Variants in MACF1 observed in about 807,000 individuals in gnomAD.
The protein encoded by MACF1 is microtubule actin crosslinking factor 1, also known as microtubule-actin cross-linking factor 1.
A neutral mutation model predicts 854.8 loss-of-function variants in MACF1; 193 were observed. The observed-to-expected ratio is 0.23, with a 90% CI of 0.20 to 0.25. The LOEUF is 0.25. MACF1 is among the 10% of genes least tolerant of loss of function. The probability of loss-of-function intolerance (pLI) is 1.00; values close to 1 mark genes in which losing one functional copy is unlikely to be tolerated. For missense variants in MACF1, 7,722 were observed against 8,929.1 expected, an observed-to-expected ratio of 0.86 and a Z score of 5.45; for synonymous variants, 3,185 against 3,226.7, an observed-to-expected ratio of 0.99 and a Z score of 0.44.
intron 89 of MACF1, chr1:39,457,118 C>G (rs1644456026): frequency 6.6e-6 from 1 of 152,260 alleles, no homozygotes; most frequent in Non-Finnish European, 1.5e-5. Flanking sequence ...TATAAAGCTT[C>G]TGCATCTTTT....
In MACF1 at chr1:39,283,249, G is replaced by A. The variant is rs2275188; in HGVS notation, c.756G>A (p.Gln252=). The part of the protein sequence containing the change: ...QIQSNRENLE[Q]AFEVAERLGV... The stretch of plus-strand genomic sequence containing the variant: ...AAAGTAACCGAGAGAATCTGGAACA[G>A]GCTTTTGAAGTGGCAGAAAGACTGG... The change falls in exon 8 of 101, where the codon CAG becomes CAA. Residue 252 remains glutamine, a synonymous_variant. Coordinates refer to ENST00000564288, the MANE Select transcript of MACF1 (RefSeq NM_001394062.1). The surrounding 1 kb of genome is among the most constrained non-coding windows in gnomAD (Gnocchi z 4.5). 1,106,930 of 1,613,168 alleles carry A rather than the reference G, an allele frequency of 0.69. 385,814 individuals carry two copies. The highest frequency in any genetic ancestry group is 0.78 in the South Asian group (71,459 of 91,044).
At chr1:39,248,171 T>G (rs1645002891) in intron 2 of MACF1, among the ~76,000 whole-genome samples, 1 of 152,192 alleles carries the variant, frequency 6.6e-6, no homozygotes, top group African/African-American at 2.4e-5. Context: ...CTATGCCAAG[T>G]CTTATGTGGT....
intron 47 of MACF1, among the ~76,000 whole-genome samples, chr1:39,360,038 T>A (rs1557608997): frequency 3.3e-5 from 2 of 61,020 alleles, no homozygotes; most frequent in African/African-American, 6.6e-5. Flanking sequence ...TATATATATA[T>A]ATATATATAT....
chr1:39,155,117 G>A (rs932554527), intron 2 of MACF1, among the ~76,000 whole-genome samples: 1 of 152,172 alleles, frequency 6.6e-6, no homozygotes, highest in African/African-American at 2.4e-5. Context: ...TGACTCTGAG[G>A]AAAGATCCCT....
intron 2 of MACF1, among the ~76,000 whole-genome samples, chr1:39,242,744 A>G (rs71518423): frequency 0.61 from 89,553 of 147,688 alleles, 28,401 homozygotes; most frequent in South Asian, 0.77. Flanking sequence ...TCCAAAAAAA[A>G]AAAAAAAAAA....
intron 91 of MACF1, among the ~76,000 whole-genome samples, chr1:39,459,994 C>T (rs1471136760): frequency 2.6e-5 from 4 of 152,122 alleles, no homozygotes; most frequent in Non-Finnish European, 5.9e-5. Context: ...ATATCATTAA[C>T]GTAGACTTAA....
chr1:39,120,867 A>G (rs1235839558), intron 2 of MACF1: 5 of 152,230 alleles, frequency 3.3e-5, no homozygotes, highest in South Asian at 4.1e-4. Context: ...TTTAAAATGT[A>G]TAGTTAAGTT....
At chr1:39,426,700 T>C (rs747135023) in intron 61 of MACF1, among the ~76,000 whole-genome samples, 18 of 152,166 alleles carry the variant, frequency 1.2e-4, no homozygotes, top group Admixed American at 9.2e-4. Context: ...CAAGCTTAGT[T>C]ATGGATCTTA....
At chr1:39,305,013 C>T (rs1468211346) in intron 23 of MACF1, 1 of 150,748 alleles carries the variant, frequency 6.6e-6, no homozygotes, top group Admixed American at 6.6e-5. Flanking sequence ...GTAATTCCAG[C>T]ACTTTGAGAG....
chr1:39,376,239 A>G (rs1649711148), intron 52 of MACF1, among the ~76,000 whole-genome samples: 1 of 152,206 alleles, frequency 6.6e-6, no homozygotes, highest in South Asian at 2.1e-4. Flanking sequence ...CTAAGTACTT[A>G]GAAATTTATG....
At chr1:39,270,995 T>C (rs2148359219) in intron 6 of MACF1, among the ~76,000 whole-genome samples, 1 of 152,292 alleles carries the variant, frequency 6.6e-6, no homozygotes, top group East Asian at 1.9e-4. Flanking sequence ...AAATATCTAT[T>C]TTATGGATGG....
In MACF1 at chr1:39,430,721, T is replaced by C; in HGVS notation, c.17150T>C (p.Met5717Thr). The C allele has an allele frequency of 6.2e-7, 1 of 1,612,126 alleles. No homozygotes were observed. Among genetic ancestry groups the C allele is most frequent in the Non-Finnish European group, 8.5e-7 (1 of 1,179,946 alleles). The change falls in exon 66 of 101, where the codon ATG becomes ACG. Residue 5717 changes from methionine (M) to threonine (T), a missense_variant. Coordinates refer to ENST00000564288, the MANE Select transcript of MACF1 (RefSeq NM_001394062.1). The stretch of plus-strand genomic sequence containing the variant: ...CCTTAGGAATTAAAGAAGGAGGTCA[T>C]GGAGCACAGGCTGGTGTTGGACACA... ...QRQKELKKEV[M>T]EHRLVLDTVN...
intron 2 of MACF1, among the ~76,000 whole-genome samples, chr1:39,155,497 C>G (rs542437476): frequency 6.6e-6 from 1 of 152,244 alleles, no homozygotes; most frequent in East Asian, 1.9e-4. Flanking sequence ...CTTTTCAGCA[C>G]TTAAATTCAG....
At chr1:39,234,718 T>G in intron 2 of MACF1, among the ~76,000 whole-genome samples, 2 of 122,016 alleles carry the variant, frequency 1.6e-5, no homozygotes, top group Non-Finnish European at 3.5e-5. Context: ...ATGGGGCGGC[T>G]GCCGGGCGGA....
chr1:39,272,014 T>C (rs927447192), intron 6 of MACF1, among the ~76,000 whole-genome samples: 3 of 152,194 alleles, frequency 2.0e-5, no homozygotes, highest in African/African-American at 4.8e-5. Context: ...GTAGCCAACC[T>C]CTGCATCTAT....
In MACF1 at chr1:39,439,421, A is replaced by G; in HGVS notation, c.18368A>G (p.Asp6123Gly). 1 of 1,614,204 alleles carries G rather than the reference A, an allele frequency of 6.2e-7. No homozygotes were observed. Among genetic ancestry groups the G allele is most frequent in the Non-Finnish European group, 8.5e-7 (1 of 1,180,024 alleles). Residue 6123 changes from aspartate to glycine, a missense_variant, in exon 72 of 101, where the codon GAC becomes GGC. By Grantham distance (94) the Asp-to-Gly change is moderately conservative. Transcript: ENST00000564288. ...DMAALLTTIKDTQDIVHDLES... is the reference protein window; with the variant it reads ...DMAALLTTIKGTQDIVHDLES... ...GCAGCTCTCCTGACCACCATCAAAG[A>G]CACCCAGGATATTGTCCATGACTTG...
At position 39,413,094 on chromosome 1, in the gene MACF1, G is replaced by A. The variant is rs372153671; in HGVS notation, c.15817-9280G>A. 1.4e-5 allele frequency: 23 copies of A among 1,605,148 alleles called. No homozygotes were observed. In the African/African-American group the frequency reaches 2.9e-4, roughly 21 times the overall value. On this transcript the variant is annotated intron_variant, in intron 58 of 100. Transcript: ENST00000564288. Reference sequence around the variant, plus strand: ...CTGTTGCAGCAGCCATCACACAGGAGGGTATGTCAGCTGTCGCAGGGTTCT... The same window carrying A: ...CTGTTGCAGCAGCCATCACACAGGAAGGTATGTCAGCTGTCGCAGGGTTCT...
chr1:39,232,746 G>GTTTTTTTTTTTTTTTTTTTTTTTTTT (rs10712180), intron 2 of MACF1, among the ~76,000 whole-genome samples: 3 of 128,486 alleles, frequency 2.3e-5, no homozygotes, highest in African/African-American at 2.9e-5. Context: ...TACTCTCTTT[G>GTTTTTTTTTTTTTTTTTTTTTTTTTT]TTTTTTTTTT....
intron 58 of MACF1, chr1:39,413,791 G>A (rs370611536): frequency 1.6e-5 from 26 of 1,611,890 alleles, no homozygotes; most frequent in African/African-American, 1.3e-4. Context: ...AGCTGCTGCA[G>A]TGCCCACCCC....
Sources: gnomAD v4.1 joint callset for allele counts (sites outside exome capture counted in the v4.1 genomes callset) on GRCh38, gnomAD v4.1.1 for gene constraint, Gnocchi (gnomAD v3.1) non-coding constraint, MANE v1.5 for transcripts, NCBI Gene and HGNC (gene_info 2026-07-23, HGNC 2026-07-21) for gene names.